Variants in GRIA4 observed in about 807,000 individuals in gnomAD.
GRIA4 encodes glutamate receptor 4.
A neutral mutation model predicts 104.0 loss-of-function variants in GRIA4; 34 were observed. The ratio of observed to expected loss-of-function variants is 0.33; its 90% CI spans 0.25 to 0.44. GRIA4 has a LOEUF of 0.44. Ranked by LOEUF, GRIA4 falls within the 20% of genes least tolerant of loss-of-function variation. The probability of loss-of-function intolerance (pLI) is 1.00; values close to 1 mark genes in which losing one functional copy is unlikely to be tolerated. For synonymous variants in GRIA4, 386 were observed against 381.9 expected, an observed-to-expected ratio of 1.01 and a Z score of -0.13; for missense variants, 750 against 1,096.5, an observed-to-expected ratio of 0.68 and a Z score of 4.46.
intron 3 of GRIA4, among the ~76,000 whole-genome samples, chr11:105,729,166 G>C (rs377143883): frequency 2.3e-4 from 35 of 152,114 alleles, no homozygotes; most frequent in Middle Eastern, 3.4e-3. Context: ...AATGATAAAG[G>C]GGAGATTACC....
chr11:105,856,846 T>A (rs1945025647), intron 4 of GRIA4, among the ~76,000 whole-genome samples: 1 of 152,180 alleles, frequency 6.6e-6, no homozygotes, highest in African/African-American at 2.4e-5. Context: ...AATAACCACC[T>A]TTAACAATGA....
At chr11:105,818,347 C>T (rs189072323) in intron 4 of GRIA4, among the ~76,000 whole-genome samples, 2 of 152,210 alleles carry the variant, frequency 1.3e-5, no homozygotes, top group African/African-American at 4.8e-5. Context: ...CTCACTGATA[C>T]GTTTGTTTTT....
At chr11:105,857,904 T>C (rs1945069961) in intron 4 of GRIA4, among the ~76,000 whole-genome samples, 1 of 152,110 alleles carries the variant, frequency 6.6e-6, no homozygotes, top group African/African-American at 2.4e-5. Context: ...AAACATCAAA[T>C]AAATAAGCCC....
rs1281361806 is a variant in GRIA4, at chr11:105,610,938, C to G, written c.-60C>G. The G allele has an allele frequency of 1.0e-6, 1 of 955,638 alleles. No homozygotes were observed. Among genetic ancestry groups the G allele is most frequent in the East Asian group, 2.5e-5 (1 of 40,632 alleles). The allele number at this position is 955,638 out of a possible 1,614,324, so 59.2% of individuals were successfully genotyped here. A position where few individuals can be genotyped will look rare whatever the true frequency, so the allele number is the denominator to read the frequency against. On this transcript the variant is annotated 5_prime_UTR_variant, in exon 2 of 17. Transcript: ENST00000282499. ...TCGTCTTCAATGCTTCTCTGAACAG[C>G]CTTTAGGAAGAGTGCGAGAGAAAGA...
At chr11:105,716,491 C>T (rs1352420076) in intron 3 of GRIA4, among the ~76,000 whole-genome samples, 1 of 152,062 alleles carries the variant, frequency 6.6e-6, no homozygotes, top group East Asian at 1.9e-4. Flanking sequence ...AAATGTATCA[C>T]AATCACTGAA....
chr11:105,769,278 CTG>C (rs1001259166), intron 4 of GRIA4, among the ~76,000 whole-genome samples: 64 of 152,126 alleles, frequency 4.2e-4, no homozygotes, highest in African/African-American at 1.5e-3. Context: ...ACATGCAAGA[CTG>C]TGCAGAGTTA....
intron 4 of GRIA4, among the ~76,000 whole-genome samples, chr11:105,806,513 T>C (rs898889088): frequency 1.3e-5 from 2 of 151,920 alleles, no homozygotes; most frequent in Non-Finnish European, 2.9e-5. Context: ...GTCAGGTAAA[T>C]GGCATTTGCC....
chr11:105,820,132 G>C (rs1239188144), intron 4 of GRIA4, among the ~76,000 whole-genome samples: 2 of 152,036 alleles, frequency 1.3e-5, no homozygotes, highest in Non-Finnish European at 2.9e-5. Flanking sequence ...GCAGACTTCA[G>C]ACTTCTAGCC....
chr11:105,772,055 T>C (rs1283031846), intron 4 of GRIA4, among the ~76,000 whole-genome samples: 1 of 152,086 alleles, frequency 6.6e-6, no homozygotes, highest in Non-Finnish European at 1.5e-5. Context: ...ACTGTAATAA[T>C]TTCATAGCCA....
At chr11:105,964,275 T>C (rs72981936) in intron 14 of GRIA4, among the ~76,000 whole-genome samples, 9,934 of 152,256 alleles carry the variant, frequency 0.065, 443 homozygotes, top group East Asian at 0.15. Context: ...TAATTAGCAT[T>C]CAGTAAATGG....
At chr11:105,875,083 G>T (rs1436617986) in intron 5 of GRIA4, among the ~76,000 whole-genome samples, 1 of 152,138 alleles carries the variant, frequency 6.6e-6, no homozygotes, top group Non-Finnish European at 1.5e-5. Context: ...TTTGAGATAC[G>T]TTCCATCAAT....
intron 15 of GRIA4, 36 bp from the exon 16 acceptor site, chr11:105,974,274 T>A: frequency 6.3e-7 from 1 of 1,596,962 alleles, no homozygotes; most frequent in Non-Finnish European, 8.5e-7. Flanking sequence ...GATGTGACAT[T>A]TCCACAGTTA....
intron 4 of GRIA4, among the ~76,000 whole-genome samples, chr11:105,780,638 A>C (rs1237267473): frequency 2.0e-5 from 3 of 152,176 alleles, no homozygotes; most frequent in Admixed American, 1.3e-4. Context: ...TATTGCTGAA[A>C]GATAAAAACC....
chr11:105,695,093 C>T (rs529712638), intron 3 of GRIA4, among the ~76,000 whole-genome samples: 1 of 152,340 alleles, frequency 6.6e-6, no homozygotes, highest in Non-Finnish European at 1.5e-5. Context: ...TTCTGCTATG[C>T]AGACCCCAAT....
intron 3 of GRIA4, among the ~76,000 whole-genome samples, chr11:105,702,315 A>T (rs1953526569): frequency 1.6e-4 from 25 of 152,190 alleles, no homozygotes; most frequent in Admixed American, 1.6e-3. Context: ...GCAGCTGAAA[A>T]CAGAAATAAA....
intron 4 of GRIA4, among the ~76,000 whole-genome samples, chr11:105,775,962 T>A (rs1941430942): frequency 6.6e-6 from 1 of 151,952 alleles, no homozygotes; most frequent in African/African-American, 2.4e-5. Context: ...GAAATTTGCA[T>A]AAAGACATAC....
At chr11:105,749,678 T>A (rs938612310) in intron 3 of GRIA4, among the ~76,000 whole-genome samples, 5 of 152,160 alleles carry the variant, frequency 3.3e-5, no homozygotes, top group African/African-American at 1.2e-4. Flanking sequence ...GGAATGAAAT[T>A]GGGAATGAAC....
chr11:105,913,300 C>T lies in GRIA4; in HGVS notation c.1269+2755C>T, dbSNP rs562112989. 143 of 583,200 alleles carry T rather than the reference C, an allele frequency of 2.5e-4. No individual in the cohort carries two copies. In the African/African-American group the frequency reaches 2.7e-3, roughly 11 times the overall value. The allele number at this position is 583,200 out of a possible 1,614,324, so 36.1% of individuals were successfully genotyped here. On this transcript the variant is annotated intron_variant, in intron 10 of 16. Coordinates refer to ENST00000282499, the MANE Select transcript of GRIA4 (RefSeq NM_000829.4). ...TATAATGTAGTGTTAGCTTTTATGG[C>T]TGTTGAAAGTTATTTTTTCTTGTAA...
intron 10 of GRIA4, among the ~76,000 whole-genome samples, chr11:105,911,512 C>T (rs2136167008): frequency 6.6e-6 from 1 of 151,508 alleles, no homozygotes; most frequent in East Asian, 1.9e-4. Flanking sequence ...TAGTTTTTAG[C>T]TTTTGTCATT....
Sources: gnomAD v4.1 joint callset for allele counts (sites outside exome capture counted in the v4.1 genomes callset) on GRCh38, gnomAD v4.1.1 for gene constraint, MANE v1.5 for transcripts, NCBI Gene and HGNC (gene_info 2026-07-23, HGNC 2026-07-21) for gene names.